The following NOTCH2 variants were observed in gnomAD, a reference collection of about 807,000 sequenced individuals.
NOTCH2 encodes the protein notch receptor 2.
A neutral mutation model predicts 235.8 loss-of-function variants in NOTCH2; 29 were observed. That is an observed-to-expected ratio of 0.12 (90% confidence interval 0.09 to 0.17). The LOEUF (loss-of-function observed/expected upper bound fraction) is 0.17, where lower values mean the gene tolerates loss of function less well. Ranked by LOEUF, NOTCH2 falls within the 10% of genes least tolerant of loss-of-function variation. NOTCH2 has a pLI of 1.00. For missense variants in NOTCH2, 2,285 were observed against 3,150.2 expected (o/e 0.73, Z 6.57); for synonymous variants, 1,086 against 1,141.5 (o/e 0.95, Z 0.98).
chr1:120,034,299 G>GT (rs1376692264), intron 1 of NOTCH2, among the ~76,000 whole-genome samples: 1 of 131,876 alleles, frequency 7.6e-6, no homozygotes, highest in Non-Finnish European at 1.6e-5. Flanking sequence ...TACTGTGTGT[G>GT]TATCTGCTGT....
intron 14 of NOTCH2, among the ~76,000 whole-genome samples, chr1:119,952,567 T>C (rs1041101715): frequency 1.4e-4 from 21 of 152,148 alleles, no homozygotes; most frequent in African/African-American, 5.1e-4. Context: ...GAGTTCACAA[T>C]AGGGTTCGCA....
intron 7 of NOTCH2, among the ~76,000 whole-genome samples, 167 bp downstream of exon 7, chr1:119,967,910 T>A (rs1284530630): frequency 1.3e-5 from 2 of 152,212 alleles, no homozygotes; most frequent in Admixed American, 1.3e-4. Context: ...ATGGAATATA[T>A]GGTTATGGCT....
At chr1:119,926,671 C>G in intron 23 of NOTCH2, 60 bp from the exon 24 acceptor site, 1 of 1,389,944 alleles carries the variant, frequency 7.2e-7, no homozygotes, top group Non-Finnish European at 1.0e-6. Context: ...GCAAGTTACT[C>G]AACAAACTTT....
intron 4 of NOTCH2, 33 bp downstream of exon 4, chr1:119,996,964 C>T: frequency 6.2e-7 from 1 of 1,603,480 alleles, no homozygotes. Context: ...AGGGGTTTGT[C>T]CCCTAATCCT....
intron 12 of NOTCH2, among the ~76,000 whole-genome samples, chr1:119,956,695 T>C (rs1205231078): frequency 6.6e-6 from 1 of 152,210 alleles, no homozygotes; most frequent in Non-Finnish European, 1.5e-5. Context: ...TAGTGAAGGA[T>C]AACAGGAAAA....
At chr1:119,926,755 T>C (rs1172076196) in intron 23 of NOTCH2, 144 bp from the exon 24 acceptor site, 11 of 707,586 alleles carry the variant, frequency 1.6e-5, no homozygotes, top group Admixed American at 1.3e-4. Flanking sequence ...AATCTGAGCA[T>C]AGAAAGAAAA....
rs1648959157 is a variant in NOTCH2, at chr1:119,913,545, A to T, written c.*1761T>A. On this transcript the variant is annotated 3_prime_UTR_variant, in exon 34 of 34. Transcript: ENST00000256646. ...GACGGAAGTTGCAGTGTAGCCATGG[A>T]CCAATTATTAACTGGCCCAAGGAGA... The T allele has an allele frequency of 4.3e-6, 1 of 233,180 alleles. No homozygotes were observed. Among genetic ancestry groups the T allele is most frequent in the African/African-American group, 2.2e-5 (1 of 45,346 alleles). 14.4% of individuals were successfully genotyped at this position (233,180 alleles called of 1,614,324 possible). A position where few individuals can be genotyped will look rare whatever the true frequency, so the allele number is the denominator to read the frequency against.
intron 2 of NOTCH2, among the ~76,000 whole-genome samples, chr1:120,011,566 T>C (rs1485852985): frequency 6.6e-6 from 1 of 152,172 alleles, no homozygotes. Context: ...CCCAGGTATA[T>C]ACCCGAAGTA....
chr1:120,001,716 T>C (rs1383727356), intron 3 of NOTCH2, among the ~76,000 whole-genome samples: 2 of 152,224 alleles, frequency 1.3e-5, no homozygotes, highest in Non-Finnish European at 2.9e-5. Flanking sequence ...CTATCCTGCA[T>C]GCAATGGTTC....
At position 119,968,176 on chromosome 1, in the gene NOTCH2, G is replaced by A. The variant is rs1557826120; in HGVS notation, c.1165C>T (p.Leu389=). 1.2e-6 allele frequency: 2 copies of A among 1,614,020 alleles called. No individual in the cohort carries two copies. Among genetic ancestry groups the A allele is most frequent in the East Asian group, 2.2e-5 (1 of 44,860 alleles). Residue 389 remains leucine, a synonymous_variant, in exon 7 of 34, where the codon CTG becomes TTG. Coordinates refer to ENST00000256646, the MANE Select transcript of NOTCH2 (RefSeq NM_024408.4). ...CCATTTAGGGGGTTGGTGTCACACAGTGCCCCCTTGTGGCAAGGATTGCTG... is the reference window on the plus strand; with the variant it reads ...CCATTTAGGGGGTTGGTGTCACACAATGCCCCCTTGTGGCAAGGATTGCTG... ...CISNPCHKGA[L]CDTNPLNGQY... is the part of the protein sequence containing the mutation.
chr1:119,967,946 T>C (rs1651208313), intron 7 of NOTCH2, 131 bp downstream of exon 7: 3 of 998,432 alleles, frequency 3.0e-6, no homozygotes, highest in South Asian at 1.4e-5. Context: ...TTGTAAACAC[T>C]GGCCATGTAG....
intron 11 of NOTCH2, among the ~76,000 whole-genome samples, chr1:119,962,741 C>T (rs1489702043): frequency 6.6e-6 from 1 of 152,178 alleles, no homozygotes. Context: ...CTAACAAAGG[C>T]ACACATTGGT....
intron 5 of NOTCH2, among the ~76,000 whole-genome samples, chr1:119,983,639 G>T (rs950191676): frequency 1.1e-4 from 16 of 152,234 alleles, no homozygotes; most frequent in Non-Finnish European, 2.1e-4. Context: ...TTGCATTTTT[G>T]ATTGTTTCAA....
chr1:119,963,779 G>A lies in NOTCH2; in HGVS notation c.1710C>T (p.Asn570=), dbSNP rs2101137452. ...TGFTGVLCEE[N]IDNCDPDPCH... The stretch of plus-strand genomic sequence containing the variant: ...AAGGATCGGGGTCACAGTTGTCAAT[G>A]TTCTCCTCACACAACACACCAGTGA... Residue 570 remains asparagine, a synonymous_variant, in exon 11 of 34, where the codon AAC becomes AAT. Transcript: ENST00000256646. 1 of 1,614,076 alleles carries A rather than the reference G, an allele frequency of 6.2e-7. No homozygotes were observed.
At chr1:119,976,654 G>A (rs1034482220) in intron 5 of NOTCH2, among the ~76,000 whole-genome samples, 78 of 151,552 alleles carry the variant, frequency 5.1e-4, no homozygotes, top group East Asian at 1.2e-3. Context: ...TGCGCCACTC[G>A]CTTGTTCAAA....
At position 119,915,219 on chromosome 1, in the gene NOTCH2, C is replaced by G; in HGVS notation, c.*87G>C. On this transcript the variant is annotated 3_prime_UTR_variant, in exon 34 of 34. Coordinates refer to ENST00000256646, the MANE Select transcript of NOTCH2 (RefSeq NM_024408.4). ...CTCTAGAAGCTGGCTCCAGAGATTTCTTCATTTCTCTCCCGGATGACCTTC... is the reference window on the plus strand; with the variant it reads ...CTCTAGAAGCTGGCTCCAGAGATTTGTTCATTTCTCTCCCGGATGACCTTC... 28 of 1,359,010 alleles carry G rather than the reference C, an allele frequency of 2.1e-5. No individual in the cohort carries two copies. The highest frequency in any genetic ancestry group is 2.7e-5 in the Non-Finnish European group (26 of 958,146). The allele number at this position is 1,359,010 out of a possible 1,614,324, so 84.2% of individuals were successfully genotyped here.
intron 17 of NOTCH2, among the ~76,000 whole-genome samples, chr1:119,943,008 A>G (rs1650118232): frequency 6.6e-6 from 1 of 151,632 alleles, no homozygotes; most frequent in Non-Finnish European, 1.5e-5. Context: ...GAGTAGCTGG[A>G]ATTACAGGTG....
intron 1 of NOTCH2, 102 bp downstream of exon 1, chr1:120,069,232 C>A (rs60182381): frequency 6.5e-7 from 1 of 1,526,830 alleles, no homozygotes; most frequent in South Asian, 1.2e-5. Flanking sequence ...CGCCGGCGGC[C>A]GAGCCTGGCC....
intron 12 of NOTCH2, among the ~76,000 whole-genome samples, chr1:119,958,351 C>A (rs1650791418): frequency 6.6e-6 from 1 of 152,168 alleles, no homozygotes; most frequent in South Asian, 2.1e-4. Context: ...ACAATCATAC[C>A]AAATAGGAGA....
Sources: gnomAD v4.1 joint callset for allele counts (sites outside exome capture counted in the v4.1 genomes callset) on GRCh38, gnomAD v4.1.1 for gene constraint, MANE v1.5 for transcripts, NCBI Gene and HGNC (gene_info 2026-07-23, HGNC 2026-07-21) for gene names.